The following PAX5 variants were observed in gnomAD, a reference collection of about 807,000 sequenced individuals.
PAX5 encodes paired box 5, also known as paired box protein Pax-5.
A neutral mutation model predicts 43.7 loss-of-function variants in PAX5; 9 were observed. The observed-to-expected ratio is 0.21, with a 90% CI of 0.12 to 0.36. The LOEUF (loss-of-function observed/expected upper bound fraction) is 0.36. Among genes scored for constraint, PAX5 ranks in the 10% least tolerant of loss-of-function variants. The pLI is 1.00. For synonymous variants in PAX5, 228 were observed against 214.3 expected, an observed-to-expected ratio of 1.06 and a Z score of -0.56; for missense variants, 383 against 532.7, an observed-to-expected ratio of 0.72 and a Z score of 2.77.
intron 6 of PAX5, among the ~76,000 whole-genome samples, chr9:36,936,277 G>A (rs1225466762): frequency 1.3e-5 from 2 of 152,212 alleles, no homozygotes; most frequent in African/African-American, 2.4e-5. Flanking sequence ...ACTCCTGTGG[G>A]GAAGGGGGAT....
chr9:37,018,763 C>T (rs1367336460), intron 2 of PAX5, among the ~76,000 whole-genome samples: 1 of 152,044 alleles, frequency 6.6e-6, no homozygotes, highest in African/African-American at 2.4e-5. Flanking sequence ...AACGGTCAGG[C>T]ACCGGAGCGG....
intron 8 of PAX5, among the ~76,000 whole-genome samples, chr9:36,875,821 G>C (rs971672686): frequency 6.6e-6 from 1 of 152,154 alleles, no homozygotes; most frequent in Non-Finnish European, 1.5e-5. Flanking sequence ...GCAGCAACAA[G>C]CTAGGACAAG....
At chr9:36,979,476 G>T (rs755199768) in intron 5 of PAX5, among the ~76,000 whole-genome samples, 1 of 152,164 alleles carries the variant, frequency 6.6e-6, no homozygotes, top group Non-Finnish European at 1.5e-5. Flanking sequence ...ATCTGAAAAG[G>T]ATAACAGCGA....
chr9:37,000,036 C>T (rs1034763794), intron 5 of PAX5, among the ~76,000 whole-genome samples: 1 of 152,122 alleles, frequency 6.6e-6, no homozygotes, highest in Non-Finnish European at 1.5e-5. Context: ...CTCCTGACTC[C>T]CCAGTCCATA....
chr9:36,928,579 T>C lies in PAX5; in HGVS notation c.781-5095A>G, dbSNP rs4878667. On this transcript the variant is annotated intron_variant, in intron 6 of 9. Transcript: ENST00000358127. ...GTTGAATGAATGAATGAATAATGGT[T>C]CAGTAGCATGTTATGAGCTACAACA... Among the ~76,000 whole-genome samples, 81,251 of 151,948 alleles carry C rather than the reference T, an allele frequency of 0.53. 21,839 individuals carry two copies. The highest frequency in any genetic ancestry group is 0.74 in the East Asian group (3,799 of 5,164).
intron 5 of PAX5, among the ~76,000 whole-genome samples, chr9:36,979,199 C>T (rs1377771621): frequency 6.6e-6 from 1 of 152,158 alleles, no homozygotes; most frequent in African/African-American, 2.4e-5. Flanking sequence ...CCTCTGTCTG[C>T]CAACGTGTGT....
At position 36,966,555 on chromosome 9, in the gene PAX5, G is replaced by C; in HGVS notation, c.774C>G (p.Pro258=). The C allele has an allele frequency of 6.2e-7, 1 of 1,613,562 alleles. No individual in the cohort carries two copies. Among genetic ancestry groups the C allele is most frequent in the Non-Finnish European group, 8.5e-7 (1 of 1,179,598 alleles). The change falls in exon 6 of 10, where the codon CCC becomes CCG. Residue 258 remains proline, a synonymous_variant. Transcript: ENST00000358127. The stretch of plus-strand genomic sequence containing the variant: ...CGTGCATCACGAGGCGTACCTGCTC[G>C]GGCTTGATGGGCTCTGTGGTGGTGA... ...DIFTTTEPIK[P]EQTTEYSAMA...
intron 8 of PAX5, among the ~76,000 whole-genome samples, chr9:36,854,900 C>T (rs1331197243): frequency 3.3e-5 from 5 of 152,336 alleles, no homozygotes; most frequent in East Asian, 3.9e-4. Context: ...TCCCGAGAGC[C>T]GCGGACCCCA....
At chr9:36,883,886 T>C (rs1826679985) in intron 7 of PAX5, among the ~76,000 whole-genome samples, 1 of 151,884 alleles carries the variant, frequency 6.6e-6, no homozygotes, top group South Asian at 2.1e-4. Flanking sequence ...AATGTAGAAA[T>C]CTCAACAAAA....
chr9:36,973,135 A>AAAAGAAAAGGAAAGG, intron 5 of PAX5, among the ~76,000 whole-genome samples: 1 of 74,728 alleles, frequency 1.3e-5, no homozygotes, highest in African/African-American at 6.3e-5. Context: ...GAAAGGAAAG[A>AAAAGAAAAGGAAAGG]AAAGGAAAGG....
intron 1 of PAX5, among the ~76,000 whole-genome samples, chr9:37,030,979 A>G (rs958976447): frequency 6.6e-5 from 10 of 152,226 alleles, no homozygotes; most frequent in Admixed American, 4.6e-4. Context: ...TCTAAACTTC[A>G]TTTTTAAAAA....
At chr9:36,942,835 C>T (rs1360081049) in intron 6 of PAX5, among the ~76,000 whole-genome samples, 1 of 152,232 alleles carries the variant, frequency 6.6e-6, no homozygotes, top group Admixed American at 6.5e-5. Context: ...CTTTTGCCTG[C>T]AAGAGAGTGA....
intron 7 of PAX5, among the ~76,000 whole-genome samples, chr9:36,885,949 T>C (rs1167996839): frequency 6.6e-6 from 1 of 152,218 alleles, no homozygotes; most frequent in Non-Finnish European, 1.5e-5. Context: ...CCTCTGACCC[T>C]TAAATTTAGG....
At chr9:37,004,757 A>G (rs1330350310) in intron 4 of PAX5, among the ~76,000 whole-genome samples, 1 of 152,238 alleles carries the variant, frequency 6.6e-6, no homozygotes, top group Non-Finnish European at 1.5e-5. Context: ...ACCACCATAT[A>G]TAACCAAAGC....
intron 7 of PAX5, among the ~76,000 whole-genome samples, chr9:36,904,286 A>C (rs1223879888): frequency 6.6e-6 from 1 of 152,182 alleles, no homozygotes; most frequent in Admixed American, 6.5e-5. Flanking sequence ...AGAGCTCCCT[A>C]GTCCCCTATC....
At chr9:36,996,504 A>G (rs770029368) in intron 5 of PAX5, among the ~76,000 whole-genome samples, 1 of 152,166 alleles carries the variant, frequency 6.6e-6, no homozygotes, top group Non-Finnish European at 1.5e-5. Flanking sequence ...GGGGCTGCCT[A>G]TTACTCCTGA....
intron 5 of PAX5, among the ~76,000 whole-genome samples, chr9:36,976,903 G>C (rs1835481908): frequency 6.6e-6 from 1 of 152,148 alleles, no homozygotes; most frequent in Non-Finnish European, 1.5e-5. Flanking sequence ...GCAGATTCAA[G>C]GTGAGCTTGG....
intron 6 of PAX5, among the ~76,000 whole-genome samples, 155 bp downstream of exon 6, chr9:36,966,394 G>A (rs992755146): frequency 1.1e-4 from 16 of 152,232 alleles, no homozygotes; most frequent in African/African-American, 2.2e-4. Flanking sequence ...AGGATGTAGC[G>A]ACTGCCCAAG....
intron 2 of PAX5, among the ~76,000 whole-genome samples, chr9:37,020,061 C>T (rs1386061431): frequency 6.6e-6 from 1 of 150,676 alleles, no homozygotes; most frequent in African/African-American, 2.4e-5. Context: ...GGTCAAGTGG[C>T]AACTTTCAAA....
Sources: gnomAD v4.1 joint callset for allele counts (sites outside exome capture counted in the v4.1 genomes callset) on GRCh38, gnomAD v4.1.1 for gene constraint, MANE v1.5 for transcripts, NCBI Gene and HGNC (gene_info 2026-07-23, HGNC 2026-07-21) for gene names.